FAM13C: variants seen among roughly 807,000 people sequenced by gnomAD.
The protein encoded by FAM13C is protein FAM13C.
Under a neutral mutation model 73.2 loss-of-function variants are expected in FAM13C, and 37 were observed. The observed-to-expected ratio is 0.51, with a 90% CI of 0.39 to 0.67. The LOEUF (loss-of-function observed/expected upper bound fraction) is 0.67, where lower values mean the gene tolerates loss of function less well. FAM13C is among the 30% of genes least tolerant of loss of function. The pLI, the probability that FAM13C is intolerant of heterozygous loss-of-function variation, is 0.00. For synonymous variants in FAM13C, 246 were observed against 260.9 expected, an observed-to-expected ratio of 0.94 and a Z score of 0.55; for missense variants, 589 against 715.6, an observed-to-expected ratio of 0.82 and a Z score of 2.02.
At chr10:59,275,851 A>G (rs1844268595) in intron 6 of FAM13C, among the ~76,000 whole-genome samples, 1 of 152,232 alleles carries the variant, frequency 6.6e-6, no homozygotes, top group African/African-American at 2.4e-5. Context: ...AATTAAAAAA[A>G]TTAAATAACT....
chr10:59,254,576 CATTT>C (rs3078249), intron 10 of FAM13C, 133 bp from the exon 11 acceptor site: 100,311 of 219,748 alleles, frequency 0.46, 28,642 homozygotes, highest in African/African-American at 0.58. Flanking sequence ...AAAGGAAAGT[CATTT>C]ATTTATTTAT....
chr10:59,298,145 C>G (rs1847136313), intron 5 of FAM13C, among the ~76,000 whole-genome samples: 1 of 152,186 alleles, frequency 6.6e-6, no homozygotes, highest in Non-Finnish European at 1.5e-5. Flanking sequence ...GATTTATAAG[C>G]TGGCATCTTA....
intron 9 of FAM13C, 51 bp downstream of exon 9, chr10:59,264,034 T>C: frequency 6.6e-7 from 1 of 1,510,346 alleles, no homozygotes; most frequent in Non-Finnish European, 9.2e-7. Flanking sequence ...ACATTATCAC[T>C]AGTTTAACTG....
chr10:59,247,338 T>C lies in FAM13C; in HGVS notation c.*276A>G, dbSNP rs1246790722. 2.7e-6 allele frequency: 1 copy of C among 366,330 alleles called. No individual in the cohort carries two copies. The highest frequency in any genetic ancestry group is 2.2e-5 in the African/African-American group (1 of 46,220). The allele number at this position is 366,330 out of a possible 1,614,324, so 22.7% of individuals were successfully genotyped here. On this transcript the variant is annotated 3_prime_UTR_variant, in exon 14 of 14. Transcript: ENST00000618804. ...TTTAGATTTGATAAAATATTAGACA[T>C]TTTTAAAAATACTTGTATTGACTAT...
At chr10:59,292,213 C>T (rs958516678) in intron 5 of FAM13C, among the ~76,000 whole-genome samples, 2 of 152,202 alleles carry the variant, frequency 1.3e-5, no homozygotes, top group African/African-American at 4.8e-5. Context: ...AATGGAGTTA[C>T]TAGTACTTAA....
chr10:59,304,505 C>T (rs931881159), intron 4 of FAM13C, among the ~76,000 whole-genome samples: 1 of 151,740 alleles, frequency 6.6e-6, no homozygotes, highest in South Asian at 2.1e-4. Flanking sequence ...AACCAAATAC[C>T]GCATATTTTC....
intron 4 of FAM13C, among the ~76,000 whole-genome samples, chr10:59,304,616 G>A (rs894169613): frequency 4.0e-5 from 6 of 151,866 alleles, no homozygotes; most frequent in Admixed American, 3.3e-4. Flanking sequence ...CAGGTGGGAG[G>A]AGGGAGAGGA....
At chr10:59,288,318 C>T (rs779501066) in intron 5 of FAM13C, among the ~76,000 whole-genome samples, 1 of 152,088 alleles carries the variant, frequency 6.6e-6, no homozygotes, top group Non-Finnish European at 1.5e-5. Context: ...ATGGTGAAAC[C>T]CCTTCTCTAC....
At chr10:59,253,107 T>G in intron 11 of FAM13C, 109 bp from the exon 12 acceptor site, 1 of 1,043,648 alleles carries the variant, frequency 9.6e-7, no homozygotes, top group Admixed American at 1.9e-5. Flanking sequence ...AACCAGTAGG[T>G]GACCCATGTG....
Position 59,252,697 on chromosome 10 carries a change from C to T in FAM13C, c.1532+102G>A, listed in dbSNP as rs193171923. On this transcript the variant is annotated intron_variant, in intron 12 of 13. Coordinates refer to ENST00000618804, the MANE Select transcript of FAM13C (RefSeq NM_198215.4). ...AAAGGCCCTGAGAACTGTTGACCCA[C>T]CCCTTTGAGTCCAGCATTTTCAAAG... The T allele has an allele frequency of 1.6e-4, 178 of 1,133,042 alleles. No homozygotes were observed. The African/African-American group carries it at 2.4e-3, about 15-fold the overall frequency. 70.2% of individuals were successfully genotyped at this position (1,133,042 alleles called of 1,614,324 possible). A position where few individuals can be genotyped will look rare whatever the true frequency, so the allele number is the denominator to read the frequency against.
intron 6 of FAM13C, among the ~76,000 whole-genome samples, chr10:59,281,194 TA>T (rs903755688): frequency 6.6e-6 from 1 of 152,186 alleles, no homozygotes; most frequent in Admixed American, 6.5e-5. Flanking sequence ...TCACCAGGAC[TA>T]ACATGAAAAA....
chr10:59,265,707 A>G (rs1842998055), intron 8 of FAM13C, among the ~76,000 whole-genome samples: 1 of 152,226 alleles, frequency 6.6e-6, no homozygotes, highest in Non-Finnish European at 1.5e-5. Context: ...AGAACTTAGA[A>G]GAAATTTAAG....
chr10:59,250,460 T>G (rs1404147056), intron 13 of FAM13C, among the ~76,000 whole-genome samples: 2 of 152,318 alleles, frequency 1.3e-5, no homozygotes, highest in East Asian at 3.9e-4. Flanking sequence ...GAAAATAAGT[T>G]GTTACATCTG....
At chr10:59,274,175 C>A (rs1252793138) in intron 6 of FAM13C, among the ~76,000 whole-genome samples, 1 of 152,020 alleles carries the variant, frequency 6.6e-6, no homozygotes, top group Non-Finnish European at 1.5e-5. Flanking sequence ...ATCACCCACA[C>A]ACAGAGGGCC....
At chr10:59,252,401 C>A (rs1841480090) in intron 12 of FAM13C, among the ~76,000 whole-genome samples, 6 of 152,110 alleles carry the variant, frequency 3.9e-5, no homozygotes, top group African/African-American at 1.2e-4. Context: ...TTTCTACTTG[C>A]TTTCTCTGAC....
At chr10:59,281,869 C>A (rs1028570713) in intron 6 of FAM13C, among the ~76,000 whole-genome samples, 1 of 152,200 alleles carries the variant, frequency 6.6e-6, no homozygotes, top group African/African-American at 2.4e-5. Flanking sequence ...TAATCCAAAT[C>A]ATCAAATAAC....
At chr10:59,306,932 A>G (rs1019258424) in intron 4 of FAM13C, among the ~76,000 whole-genome samples, 2 of 152,242 alleles carry the variant, frequency 1.3e-5, no homozygotes, top group Admixed American at 6.5e-5. Flanking sequence ...AGAGACAGAT[A>G]AAAGACATTT....
At chr10:59,302,371 T>G (rs181806352) in intron 5 of FAM13C, among the ~76,000 whole-genome samples, 123 of 152,326 alleles carry the variant, frequency 8.1e-4, no homozygotes, top group African/African-American at 2.8e-3. Flanking sequence ...AAAATCACAT[T>G]GCAAACACTA....
In FAM13C at chr10:59,317,920, G is replaced by C. The variant is rs1486865700; in HGVS notation, c.443+6068C>G. ...TTCCCCCACCCCACAACAGTCCCCA[G>C]AGTGTGATGTTCCCCTTCCTGTGTC... On this transcript the variant is annotated intron_variant, in intron 4 of 13. Coordinates refer to ENST00000618804, the MANE Select transcript of FAM13C (RefSeq NM_198215.4). Among the ~76,000 whole-genome samples the C allele has an allele frequency of 2.1e-5, 3 of 146,162 alleles. No individual in the cohort carries two copies. In the Admixed American group the frequency reaches 2.1e-4, roughly 10 times the overall value.
Sources: allele counts gnomAD v4.1 joint callset (sites outside exome capture counted in the v4.1 genomes callset), GRCh38; gene constraint gnomAD v4.1.1; transcripts MANE v1.5; gene names NCBI Gene and HGNC (gene_info 2026-07-23, HGNC 2026-07-21).